KIF21A: variants seen among roughly 807,000 people sequenced by gnomAD.
The protein encoded by KIF21A is kinesin family member 21A, also known as kinesin-like protein KIF21A.
In KIF21A, 114 loss-of-function variants were observed where a neutral mutation model predicts 202.9. The ratio of observed to expected loss-of-function variants is 0.56; its 90% confidence interval spans 0.48 to 0.66. The LOEUF is 0.66. Among genes scored for constraint, KIF21A ranks in the 30% least tolerant of loss-of-function variants. The pLI, the probability that KIF21A is intolerant of heterozygous loss-of-function variation, is 0.00. For missense variants in KIF21A, 1,677 were observed against 1,994.9 expected, an observed-to-expected ratio of 0.84 and a Z score of 3.04; for synonymous variants, 667 against 670.8, an observed-to-expected ratio of 0.99 and a Z score of 0.09.
chr12:39,363,148 A>G lies in KIF21A; in HGVS notation c.969T>C (p.Tyr323=), dbSNP rs1170666149. ...GTAGTCTTGTTAGCTTGGAATCTCT[A>G]TAGGGGACATGTGTGGCCCTCTTGC... ...DKSKRATHVP[Y]RDSKLTRLLQ... is the part of the protein sequence containing the mutation. The change falls in exon 7 of 38, where the codon TAT becomes TAC. Residue 323 remains tyrosine, a synonymous_variant. Transcript: ENST00000361418. 2 of 1,613,426 alleles carry G rather than the reference A, an allele frequency of 1.2e-6. No homozygotes were observed. The highest frequency in any genetic ancestry group is 1.7e-6 in the Non-Finnish European group (2 of 1,179,488).
chr12:39,405,026 A>T (rs1236855444), intron 1 of KIF21A, among the ~76,000 whole-genome samples: 1 of 152,186 alleles, frequency 6.6e-6, no homozygotes. Flanking sequence ...ATTAAAGTGT[A>T]TAATGGAGAA....
At chr12:39,373,489 G>A (rs1362782388) in intron 1 of KIF21A, among the ~76,000 whole-genome samples, 1 of 152,054 alleles carries the variant, frequency 6.6e-6, no homozygotes, top group African/African-American at 2.4e-5. Flanking sequence ...CCAAGTCTCT[G>A]CTTTTTCTAC....
Position 39,322,686 on chromosome 12 carries a change from G to A in KIF21A, c.3653C>T (p.Pro1218Leu). 1 of 1,613,922 alleles carries A rather than the reference G, an allele frequency of 6.2e-7. No homozygotes were observed. Among genetic ancestry groups the A allele is most frequent in the Non-Finnish European group, 8.5e-7 (1 of 1,179,872 alleles). ...EKELSPPPGL[P>L]SKIGSISRQS... ...AACTTACATGCTGCCTATCTTAGAA[G>A]GTAAGCCAGGTGGGGGAGAGAGCTC... Residue 1218 changes from proline to leucine, a missense_variant, in exon 27 of 38, where the codon CCT (proline) becomes CTT (leucine). Pro to Leu is a moderately conservative substitution (Grantham distance 98). This residue lies in a region of KIF21A where 705 missense variants were observed against 791.9 expected (regional missense o/e 0.89). Transcript: ENST00000361418.
chr12:39,360,112 T>C (rs960150525), intron 7 of KIF21A, among the ~76,000 whole-genome samples: 1 of 152,060 alleles, frequency 6.6e-6, no homozygotes, highest in Non-Finnish European at 1.5e-5. Flanking sequence ...AAGGATCAAT[T>C]GTATAGGGAA....
At chr12:39,398,503 A>G (rs1335612762) in intron 1 of KIF21A, among the ~76,000 whole-genome samples, 2 of 152,154 alleles carry the variant, frequency 1.3e-5, no homozygotes, top group Non-Finnish European at 2.9e-5. Flanking sequence ...CAGGAGGGTG[A>G]GGCAGGAGAA....
intron 16 of KIF21A, among the ~76,000 whole-genome samples, chr12:39,338,182 C>G (rs1007315589): frequency 6.6e-6 from 1 of 152,090 alleles, no homozygotes; most frequent in Non-Finnish European, 1.5e-5. Context: ...ATTGATGATC[C>G]TCACTCTGCA....
intron 1 of KIF21A, among the ~76,000 whole-genome samples, chr12:39,420,652 T>C (rs911362851): frequency 2.6e-5 from 4 of 151,918 alleles, no homozygotes; most frequent in African/African-American, 9.7e-5. Context: ...AGGATGGAGC[T>C]AAATGGAAAG....
chr12:39,424,956 G>GT (rs1954628645), intron 1 of KIF21A, among the ~76,000 whole-genome samples: 1 of 151,908 alleles, frequency 6.6e-6, no homozygotes, highest in East Asian at 1.9e-4. Flanking sequence ...GGCCCTTAAT[G>GT]ATCTTACCTC....
At chr12:39,309,432 C>G (rs1943793446) in intron 33 of KIF21A, among the ~76,000 whole-genome samples, 154 bp downstream of exon 33, 1 of 151,068 alleles carries the variant, frequency 6.6e-6, no homozygotes, top group Non-Finnish European at 1.5e-5. Flanking sequence ...CTTATCTGTG[C>G]TTTTCTTTGT....
chr12:39,414,437 T>TA (rs145178009), intron 1 of KIF21A, among the ~76,000 whole-genome samples: 1,586 of 152,334 alleles, frequency 0.01, 36 homozygotes, highest in African/African-American at 0.034. Context: ...AAATCATCTT[T>TA]AAGAAAGAAT....
At chr12:39,389,614 C>T (rs1162034117) in intron 1 of KIF21A, among the ~76,000 whole-genome samples, 1 of 152,278 alleles carries the variant, frequency 6.6e-6, no homozygotes, top group East Asian at 1.9e-4. Context: ...AGATAAGACA[C>T]ATTTACCGTA....
rs779882169 is a variant in KIF21A, at chr12:39,351,916, C to T, written c.1534G>A (p.Ala512Thr). 4 of 1,613,392 alleles carry T rather than the reference C, an allele frequency of 2.5e-6. 1 individual carries two copies. In the South Asian group the frequency reaches 3.3e-5, roughly 13 times the overall value. The change falls in exon 11 of 38, where the codon GCA becomes ACA. Residue 512 changes from alanine (A) to threonine (T), a missense_variant. This residue lies in a region of KIF21A where 966 missense variants were observed against 1,180.9 expected (regional missense o/e 0.82). Transcript: ENST00000361418. ...NLRKNLTRAT[A>T]RAPYFSGSST... ...GATCCGCTGAAATATGGCGCTCTTG[C>T]TGTGGCTCTTGTCAAGTTTTTTCGA...
chr12:39,416,908 C>T (rs1288018798), intron 1 of KIF21A, among the ~76,000 whole-genome samples: 2 of 146,360 alleles, frequency 1.4e-5, no homozygotes, highest in Non-Finnish European at 3.0e-5. Flanking sequence ...TATATATGTA[C>T]ACACACACAC....
chr12:39,424,500 C>G (rs1954594356), intron 1 of KIF21A, among the ~76,000 whole-genome samples: 1 of 152,188 alleles, frequency 6.6e-6, no homozygotes, highest in Admixed American at 6.5e-5. Flanking sequence ...GATCCAAACT[C>G]ATAGATTAAA....
At chr12:39,432,859 C>T (rs1938145326) in intron 1 of KIF21A, among the ~76,000 whole-genome samples, 1 of 152,112 alleles carries the variant, frequency 6.6e-6, no homozygotes, top group African/African-American at 2.4e-5. Flanking sequence ...GATCTGCCCA[C>T]CTCAGCCTCC....
At chr12:39,311,636 C>G in intron 31 of KIF21A, 83 bp from the exon 32 acceptor site, 1 of 1,432,578 alleles carries the variant, frequency 7.0e-7, no homozygotes, top group East Asian at 2.3e-5. Flanking sequence ...GTTTTTTTCC[C>G]CTAACTTTAA....
In KIF21A at chr12:39,303,100, C is replaced by T. The variant is rs752259428; in HGVS notation, c.4596G>A (p.Val1532=). Residue 1532 remains valine (V), a synonymous_variant, in exon 36 of 38, where the codon GTG becomes GTA. Transcript: ENST00000361418. ...GGGGTTCAAAATTGTGGGTGGGACTCACAGTCCCAAGAGCTCCTTCTGTAA... is the reference window on the plus strand; with the variant it reads ...GGGGTTCAAAATTGTGGGTGGGACTTACAGTCCCAAGAGCTCCTTCTGTAA... The part of the protein sequence containing the change: ...FDVTEGALGT[V]SPTHNFEPPH... 2 of 1,613,844 alleles carry T rather than the reference C, an allele frequency of 1.2e-6. No individual in the cohort carries two copies. Among genetic ancestry groups the T allele is most frequent in the Non-Finnish European group, 1.7e-6 (2 of 1,179,770 alleles).
At position 39,337,163 on chromosome 12, in the gene KIF21A, G is replaced by C. The variant is rs1247162394; in HGVS notation, c.2351C>G (p.Ala784Gly). Residue 784 changes from alanine (A) to glycine (G), a missense_variant, in exon 17 of 38, where the codon GCC becomes GGC. Coordinates refer to ENST00000361418, the MANE Select transcript of KIF21A (RefSeq NM_001173464.2). ...GTTTCTTCTAGACTCAGTCAGTCTGGCTTTCTCTTGTTCTTCTTTCATTTG... is the reference window on the plus strand; with the variant it reads ...GTTTCTTCTAGACTCAGTCAGTCTGCCTTTCTCTTGTTCTTCTTTCATTTG... The part of the protein sequence containing the change: ...MKQMKEEQEK[A>G]RLTESRRNRE... 1 of 1,612,396 alleles carries C rather than the reference G, an allele frequency of 6.2e-7. No homozygotes were observed. Among genetic ancestry groups the C allele is most frequent in the African/African-American group, 1.3e-5 (1 of 74,984 alleles).
chr12:39,301,667 C>A lies in KIF21A; in HGVS notation c.4744G>T (p.Ala1582Ser), dbSNP rs750213364. 6.2e-7 allele frequency: 1 copy of A among 1,614,028 alleles called. No individual in the cohort carries two copies. The highest frequency in any genetic ancestry group is 1.7e-5 in the Admixed American group (1 of 60,024). The change falls in exon 37 of 38, where the codon GCA (alanine) becomes TCA (serine). Residue 1582 changes from alanine to serine, a missense_variant. By Grantham distance (99) the Ala-to-Ser change is moderately conservative (BLOSUM62 1). Around this residue, in one of 3 missense-constraint regions of KIF21A, gnomAD observed 705 missense variants for 791.9 expected, o/e 0.89. Transcript: ENST00000361418. ...AGGGCACAGACCCAATCCTTATGTG[C>A]ATTTGGAACTTGCTAAAAGAAAAAA... ...QKDLLQQVPN[A>S]HKDWVCALGV...
Sources: allele counts gnomAD v4.1 joint callset (sites outside exome capture counted in the v4.1 genomes callset), GRCh38; gene constraint gnomAD v4.1.1; regional missense constraint gnomAD v4.1.1; transcripts MANE v1.5; gene names NCBI Gene and HGNC (gene_info 2026-07-23, HGNC 2026-07-21).